The following NME7 variants were observed in gnomAD, a reference collection of about 807,000 sequenced individuals.
The protein encoded by NME7 is nucleoside diphosphate kinase 7.
A neutral mutation model predicts 49.1 loss-of-function variants in NME7; 41 were observed. The observed-to-expected ratio is 0.83, with a 90% CI of 0.65 to 1.08. The LOEUF (loss-of-function observed/expected upper bound fraction) is 1.08, where lower values mean the gene tolerates loss of function less well. NME7 is among the 50% of genes least tolerant of loss of function. The probability of loss-of-function intolerance (pLI) is 0.00; values close to 1 mark genes in which losing one functional copy is unlikely to be tolerated. For missense variants in NME7, 423 were observed against 463.4 expected, an observed-to-expected ratio of 0.91 and a Z score of 0.80; for synonymous variants, 139 against 150.6, an observed-to-expected ratio of 0.92 and a Z score of 0.56.
At chr1:169,160,766 C>G (rs570536851) in intron 11 of NME7, among the ~76,000 whole-genome samples, 117 of 152,244 alleles carry the variant, frequency 7.7e-4, no homozygotes, top group Admixed American at 1.4e-3. Flanking sequence ...TTTGGTAACA[C>G]AGATAAAGAT....
At chr1:169,339,583 G>T (rs1231887362) in intron 1 of NME7, among the ~76,000 whole-genome samples, 2 of 152,148 alleles carry the variant, frequency 1.3e-5, no homozygotes, top group African/African-American at 2.4e-5. Flanking sequence ...CTGTTGTCAA[G>T]GTCACAAACA....
rs1890260 is a variant in NME7, at chr1:169,312,739, G to A, written c.279-2659C>T. Among the ~76,000 whole-genome samples the A allele has an allele frequency of 6.2e-3, 946 of 152,232 alleles. 10 individuals carry two copies. The highest frequency in any genetic ancestry group is 0.021 in the African/African-American group (891 of 41,548). ...TGATTGCAGTACAATAAATGTCCCA[G>A]ACAGTATAGTGCTATTGCTATGTAA... On this transcript the variant is annotated intron_variant, in intron 3 of 11. Transcript: ENST00000367811.
At chr1:169,290,181 A>C (rs1650442787) in intron 6 of NME7, among the ~76,000 whole-genome samples, 1 of 152,150 alleles carries the variant, frequency 6.6e-6, no homozygotes, top group African/African-American at 2.4e-5. Flanking sequence ...ATTTGTAATT[A>C]ATCTATACTA....
intron 7 of NME7, among the ~76,000 whole-genome samples, chr1:169,243,819 A>G (rs1238638705): frequency 6.6e-6 from 1 of 152,192 alleles, no homozygotes; most frequent in Non-Finnish European, 1.5e-5. Flanking sequence ...CAAATGAACT[A>G]AGATAATGCC....
intron 1 of NME7, among the ~76,000 whole-genome samples, chr1:169,339,294 G>C (rs943533513): frequency 6.6e-6 from 1 of 152,068 alleles, no homozygotes; most frequent in African/African-American, 2.4e-5. Flanking sequence ...CATCTTAAAA[G>C]AATATACTTG....
At chr1:169,309,540 T>C (rs1393191694) in intron 4 of NME7, among the ~76,000 whole-genome samples, 1 of 152,174 alleles carries the variant, frequency 6.6e-6, no homozygotes, top group East Asian at 1.9e-4. Flanking sequence ...GTGAAACTGG[T>C]GGAAGTTCAC....
chr1:169,224,606 A>G (rs958023460), intron 10 of NME7, among the ~76,000 whole-genome samples: 2 of 152,178 alleles, frequency 1.3e-5, no homozygotes, highest in Non-Finnish European at 2.9e-5. Flanking sequence ...AGTGGTGAAA[A>G]CAAGGCAAAT....
intron 3 of NME7, among the ~76,000 whole-genome samples, chr1:169,311,752 T>C (rs756900440): frequency 3.3e-5 from 5 of 152,210 alleles, no homozygotes; most frequent in Non-Finnish European, 7.3e-5. Flanking sequence ...AACATGGCAG[T>C]AGTCATCAAT....
intron 10 of NME7, among the ~76,000 whole-genome samples, chr1:169,229,911 G>A (rs1437060782): frequency 1.3e-5 from 2 of 151,266 alleles, no homozygotes; most frequent in African/African-American, 2.4e-5. Context: ...GCAGTGAGCC[G>A]AGATTGCACC....
chr1:169,210,843 G>A (rs1184095516), intron 10 of NME7, among the ~76,000 whole-genome samples: 2 of 152,034 alleles, frequency 1.3e-5, no homozygotes, highest in Non-Finnish European at 2.9e-5. Flanking sequence ...GTTCTCTCCC[G>A]TTTCTGCTTC....
chr1:169,169,925 T>C (rs538939916), intron 10 of NME7, among the ~76,000 whole-genome samples: 4 of 152,288 alleles, frequency 2.6e-5, no homozygotes, highest in African/African-American at 9.6e-5. Flanking sequence ...TAATGGTAGT[T>C]CATCTTTAAG....
At chr1:169,211,593 G>A (rs1442669730) in intron 10 of NME7, among the ~76,000 whole-genome samples, 1 of 152,054 alleles carries the variant, frequency 6.6e-6, no homozygotes, top group Non-Finnish European at 1.5e-5. Flanking sequence ...CATGTTTTAT[G>A]CCCTGGTAAT....
intron 11 of NME7, among the ~76,000 whole-genome samples, chr1:169,151,891 GCCTTGCATCCTCATGGGAGC>G (rs1474695218): frequency 6.6e-6 from 1 of 152,078 alleles, no homozygotes. Context: ...TCCTCAGCCT[GCCTTGCATCCTCATGGGAGC>G]CCTCCCATGA....
intron 11 of NME7, among the ~76,000 whole-genome samples, chr1:169,133,258 A>G (rs556057662): frequency 8.5e-5 from 13 of 152,330 alleles, no homozygotes; most frequent in African/African-American, 2.9e-4. Context: ...AGCTTTCCAA[A>G]AAACATTTTC....
chr1:169,213,011 A>G (rs1271647348), intron 10 of NME7, among the ~76,000 whole-genome samples: 1 of 152,096 alleles, frequency 6.6e-6, no homozygotes, highest in South Asian at 2.1e-4. Flanking sequence ...TATTTAAAAC[A>G]GTTCCTGAGC....
intron 1 of NME7, among the ~76,000 whole-genome samples, chr1:169,357,292 G>A (rs183656332): frequency 6.6e-6 from 1 of 151,862 alleles, no homozygotes; most frequent in African/African-American, 2.4e-5. Context: ...ATCTAGTCTT[G>A]TTCATCTTTG....
rs1279937891 is a variant in NME7, at chr1:169,260,529, T to G, written c.755-22842A>C. 1.5e-5 allele frequency among the ~76,000 whole-genome samples: 2 copies of G among 131,784 alleles called. 1 individual carries two copies. The highest frequency in any genetic ancestry group is 3.6e-5 in the Non-Finnish European group (2 of 56,136). The allele number at this position is 131,784 out of a possible 152,430, so 86.5% of individuals were successfully genotyped here. A position where few individuals can be genotyped will look rare whatever the true frequency, so the allele number is the denominator to read the frequency against. Reference sequence around the variant, plus strand: ...TATCTTGATAAAGTAACATCATGTGTTCTGAATCCTGGATCACAGATTCAT... The same window carrying G: ...TATCTTGATAAAGTAACATCATGTGGTCTGAATCCTGGATCACAGATTCAT... On this transcript the variant is annotated intron_variant, in intron 7 of 11. Transcript: ENST00000367811.
rs544864089 is a variant in NME7 at position 169,258,339 on chromosome 1, C to G, written c.755-20652G>C. ...CTCAGCCTGGATGACAGAGTAAGAC[C>G]TTGTCTCAAAAAAAATAAAATAAAA... On this transcript the variant is annotated intron_variant, in intron 7 of 11. Coordinates refer to ENST00000367811, the MANE Select transcript of NME7 (RefSeq NM_013330.5). Among the ~76,000 whole-genome samples, 7 of 107,758 alleles carry G rather than the reference C, an allele frequency of 6.5e-5. 1 individual carries two copies. Among genetic ancestry groups the G allele is most frequent in the Admixed American group, 4.9e-4 (5 of 10,288 alleles). 70.7% of individuals were successfully genotyped at this position (107,758 alleles called of 152,430 possible).
At chr1:169,295,730 A>T (rs1650682472) in intron 6 of NME7, among the ~76,000 whole-genome samples, 1 of 152,142 alleles carries the variant, frequency 6.6e-6, no homozygotes, top group African/African-American at 2.4e-5. Flanking sequence ...CATGAACACT[A>T]CATGGGCCAT....
Sources: gnomAD v4.1 joint callset for allele counts (sites outside exome capture counted in the v4.1 genomes callset) on GRCh38, gnomAD v4.1.1 for gene constraint, MANE v1.5 for transcripts, NCBI Gene and HGNC (gene_info 2026-07-23, HGNC 2026-07-21) for gene names.